The following VSTM5 variants were observed in gnomAD, a reference collection of about 807,000 sequenced individuals.
The protein encoded by VSTM5 is V-set and transmembrane domain-containing protein 5.
VSTM5 carries 21 observed loss-of-function variants against 20.3 expected under a neutral mutation model. The ratio of observed to expected loss-of-function variants is 1.03; its 90% CI spans 0.73 to 1.49. The LOEUF (loss-of-function observed/expected upper bound fraction) is 1.49, where lower values mean the gene tolerates loss of function less well. Ranked by LOEUF, VSTM5 falls within the 40% of genes most tolerant of loss-of-function variation. The probability of loss-of-function intolerance (pLI) is 0.00; values close to 1 mark genes in which losing one functional copy is unlikely to be tolerated. For synonymous variants in VSTM5, 100 were observed against 102.5 expected (o/e 0.98, Z 0.14); for missense variants, 219 against 250.0 (o/e 0.88, Z 0.84).
intron 1 of VSTM5, among the ~76,000 whole-genome samples, chr11:93,832,273 A>C (rs562105566): frequency 6.6e-6 from 1 of 152,384 alleles, no homozygotes; most frequent in Admixed American, 6.5e-5. Context: ...AGATGATCTC[A>C]AAAATAATGA....
At chr11:93,836,509 G>C (rs999503929) in intron 1 of VSTM5, among the ~76,000 whole-genome samples, 1 of 152,252 alleles carries the variant, frequency 6.6e-6, no homozygotes, top group African/African-American at 2.4e-5. Flanking sequence ...GATTCATCTC[G>C]TTCTCTCACA....
rs747751679 is a variant in VSTM5 at position 93,820,198 on chromosome 11, C to A, written c.*371G>T. Reference sequence around the variant, plus strand: ...CTGGCTGCACATCCATCTGGAAATCCTCTGGCCTCTGATACAGGGACTCTG... The same window carrying A: ...CTGGCTGCACATCCATCTGGAAATCATCTGGCCTCTGATACAGGGACTCTG... On this transcript the variant is annotated 3_prime_UTR_variant, in exon 4 of 4. Coordinates refer to ENST00000409977, the MANE Select transcript of VSTM5 (RefSeq NM_001144871.2). 3.9e-6 allele frequency: 1 copy of A among 256,688 alleles called. No individual in the cohort carries two copies. The highest frequency in any genetic ancestry group is 7.5e-6 in the Non-Finnish European group (1 of 132,754). The allele number at this position is 256,688 out of a possible 1,614,324, so 15.9% of individuals were successfully genotyped here. A position where few individuals can be genotyped will look rare whatever the true frequency, so the allele number is the denominator to read the frequency against.
chr11:93,823,132 C>G (rs1366846891), intron 1 of VSTM5, among the ~76,000 whole-genome samples: 3 of 151,892 alleles, frequency 2.0e-5, no homozygotes, highest in African/African-American at 7.3e-5. Context: ...GCTGATACAA[C>G]TGGAAACTGG....
chr11:93,849,687 G>T lies in VSTM5; in HGVS notation c.91+725C>A, dbSNP rs545492605. On this transcript the variant is annotated intron_variant, in intron 1 of 3. Coordinates refer to ENST00000409977, the MANE Select transcript of VSTM5 (RefSeq NM_001144871.2). The stretch of plus-strand genomic sequence containing the variant: ...CATGTGTAAGATGGGAGTGCGAATG[G>T]TAATGATTAAATGAGAAAGTAAAAC... 1.4e-3 allele frequency among the ~76,000 whole-genome samples: 208 copies of T among 152,350 alleles called. 3 individuals carry two copies. The highest frequency in any genetic ancestry group is 4.6e-3 in the African/African-American group (192 of 41,574).
intron 1 of VSTM5, among the ~76,000 whole-genome samples, chr11:93,841,144 C>G (rs1476989521): frequency 2.0e-5 from 3 of 152,200 alleles, no homozygotes; most frequent in Non-Finnish European, 2.9e-5. Context: ...GGCCTCTGGC[C>G]AAGCATGGGT....
intron 1 of VSTM5, among the ~76,000 whole-genome samples, chr11:93,825,921 A>T (rs1944230177): frequency 6.6e-6 from 1 of 150,930 alleles, no homozygotes; most frequent in Non-Finnish European, 1.5e-5. Flanking sequence ...GATGTACAAA[A>T]CTAAGAGTTG....
Position 93,820,827 on chromosome 11 carries a change from C to T in VSTM5, c.475G>A (p.Val159Met). Residue 159 changes from valine (V) to methionine (M), a missense_variant, in exon 3 of 4, where the codon GTG (valine) becomes ATG (methionine). Physicochemically the swap from Val to Met is conservative, Grantham distance 21. Transcript: ENST00000409977. ...VAVILAFLAA[V>M]AAVLISLMWV... Reference sequence around the variant, plus strand: ...ATGAGGCTGATTAATACTGCGGCCACAGCAGCGAGAAAAGCAAGGATGACA... The same window carrying T: ...ATGAGGCTGATTAATACTGCGGCCATAGCAGCGAGAAAAGCAAGGATGACA... 1 of 1,550,978 alleles carries T rather than the reference C, an allele frequency of 6.4e-7. No individual in the cohort carries two copies. Among genetic ancestry groups the T allele is most frequent in the Non-Finnish European group, 8.7e-7 (1 of 1,146,996 alleles).
chr11:93,822,522 C>T (rs113739592), intron 1 of VSTM5, among the ~76,000 whole-genome samples: 4 of 152,146 alleles, frequency 2.6e-5, no homozygotes, highest in Non-Finnish European at 5.9e-5. Flanking sequence ...CTTGCTCTGT[C>T]GCCCAGGCTG....
intron 1 of VSTM5, among the ~76,000 whole-genome samples, chr11:93,826,350 G>T (rs1944237969): frequency 1.3e-5 from 2 of 151,790 alleles, no homozygotes. Context: ...TTTTCTATTA[G>T]TTTTCTAATA....
rs753909322 is a variant in VSTM5 at position 93,820,854 on chromosome 11, C to T, written c.448G>A (p.Ala150Thr). Reference protein sequence around the residue: ...EILYEDLHFVAVILAFLAAVA... With the variant: ...EILYEDLHFVTVILAFLAAVA... ...GCAGCGAGAAAAGCAAGGATGACAG[C>T]GACAAAGTGCAGGTCTTCATAGAGG... Residue 150 changes from alanine (A) to threonine (T), a missense_variant, in exon 3 of 4, where the codon GCT becomes ACT. By Grantham distance (58) the Ala-to-Thr change is moderately conservative. Transcript: ENST00000409977. 5.0e-5 allele frequency: 78 copies of T among 1,550,304 alleles called. 1 individual carries two copies. The highest frequency in any genetic ancestry group is 1.7e-4 in the Middle Eastern group (1 of 6,014).
intron 1 of VSTM5, among the ~76,000 whole-genome samples, chr11:93,828,460 G>A (rs184986430): frequency 9.2e-5 from 14 of 152,262 alleles, no homozygotes; most frequent in Admixed American, 7.8e-4. Flanking sequence ...TACAAAGGTT[G>A]TACTTTTCGT....
chr11:93,834,794 A>T (rs1329474661), intron 1 of VSTM5, among the ~76,000 whole-genome samples: 6,189 of 151,012 alleles, frequency 0.041, 429 homozygotes, highest in African/African-American at 0.14. Context: ...AAAAAAAAAA[A>T]AAAAAAAAAT....
intron 1 of VSTM5, among the ~76,000 whole-genome samples, chr11:93,843,702 A>G (rs1024816517): frequency 6.6e-6 from 1 of 152,166 alleles, no homozygotes; most frequent in East Asian, 1.9e-4. Flanking sequence ...CTGGCTTTTC[A>G]TCTCTTCAGT....
At position 93,819,405 on chromosome 11, in the gene VSTM5, C is replaced by T. The variant is rs1452910496; in HGVS notation, c.*1164G>A. On this transcript the variant is annotated 3_prime_UTR_variant, in exon 4 of 4. Coordinates refer to ENST00000409977, the MANE Select transcript of VSTM5 (RefSeq NM_001144871.2). ...CTGAGGGAATAATGGCCAAGGCCAG[C>T]TGTGGTCCAGTCCCCAATCTCACCT... 6.6e-6 allele frequency: 1 copy of T among 152,264 alleles called. No homozygotes were observed. Among genetic ancestry groups the T allele is most frequent in the Non-Finnish European group, 1.5e-5 (1 of 68,054 alleles). The allele number at this position is 152,264 out of a possible 1,614,324, so 9.4% of individuals were successfully genotyped here. A position where few individuals can be genotyped will look rare whatever the true frequency, so the allele number is the denominator to read the frequency against.
chr11:93,820,779 A>T lies in VSTM5; in HGVS notation c.523T>A (p.Tyr175Asn), dbSNP rs944862903. The T allele has an allele frequency of 6.4e-7, 1 of 1,551,632 alleles. No individual in the cohort carries two copies. Among genetic ancestry groups the T allele is most frequent in the Non-Finnish European group, 8.7e-7 (1 of 1,147,004 alleles). The change falls in exon 3 of 4, where the codon TAT becomes AAT. Residue 175 changes from tyrosine (Y) to asparagine (N), a missense_variant. Tyr to Asn is a moderately radical substitution (Grantham distance 143). Coordinates refer to ENST00000409977, the MANE Select transcript of VSTM5 (RefSeq NM_001144871.2). The stretch of plus-strand genomic sequence containing the variant: ...TGTCTTCTCTTCCTCTGAAATTTAT[A>T]TGCACACTTATTACAAACCCACATG... ...SLMWVCNKCA[Y>N]KFQRKRRHKL...
At chr11:93,832,899 G>A (rs1944294017) in intron 1 of VSTM5, among the ~76,000 whole-genome samples, 1 of 152,154 alleles carries the variant, frequency 6.6e-6, no homozygotes, top group Non-Finnish European at 1.5e-5. Flanking sequence ...GTATAGAGGT[G>A]GAGTTTTACA....
Position 93,820,574 on chromosome 11 carries a change from A to C in VSTM5, c.598T>G (p.Cys200Gly). The change falls in exon 4 of 4, where the codon TGT becomes GGT. Residue 200 changes from cysteine to glycine, a missense_variant. Transcript: ENST00000409977. ...GCAGTCAGGCCCAGCCTTGGCTAAC[A>C]CTCAACATCTTCCAGCTCAATCTCC... is the stretch of plus-strand genomic sequence containing the variant. ...TEEIELEDVE[C>G] is the part of the protein sequence containing the mutation. 6.4e-7 allele frequency: 1 copy of C among 1,551,884 alleles called. No homozygotes were observed. The highest frequency in any genetic ancestry group is 8.7e-7 in the Non-Finnish European group (1 of 1,147,060).
Position 93,824,128 on chromosome 11 carries a change from G to A in VSTM5, c.92-2805C>T, listed in dbSNP as rs536481655. On this transcript the variant is annotated intron_variant, in intron 1 of 3. Coordinates refer to ENST00000409977, the MANE Select transcript of VSTM5 (RefSeq NM_001144871.2). Reference sequence around the variant, plus strand: ...TCACCATGTTGGTCAGGCTGGCCTCGAACTCCCGACATCAGGTGATCCACC... The same window carrying A: ...TCACCATGTTGGTCAGGCTGGCCTCAAACTCCCGACATCAGGTGATCCACC... Among the ~76,000 whole-genome samples the A allele has an allele frequency of 2.0e-4, 30 of 152,106 alleles. No individual in the cohort carries two copies. The South Asian group carries it at 3.7e-3, about 19-fold the overall frequency.
rs1158428267 is a variant in VSTM5 at position 93,835,466 on chromosome 11, A to T, written c.92-14143T>A. On this transcript the variant is annotated intron_variant, in intron 1 of 3. Coordinates refer to ENST00000409977, the MANE Select transcript of VSTM5 (RefSeq NM_001144871.2). ...TTAAAAAGAAATTTCTTTATAAAGT[A>T]TGCAGTCTTTGGTATTTAGTTATAG... 4.6e-5 allele frequency among the ~76,000 whole-genome samples: 7 copies of T among 152,334 alleles called. No homozygotes were observed. The East Asian group carries it at 1.3e-3, about 29-fold the overall frequency.
Sources: gnomAD v4.1 joint callset for allele counts (sites outside exome capture counted in the v4.1 genomes callset) on GRCh38, gnomAD v4.1.1 for gene constraint, MANE v1.5 for transcripts, NCBI Gene and HGNC (gene_info 2026-07-23, HGNC 2026-07-21) for gene names.